Variants in ZFHX3 observed in about 807,000 individuals in gnomAD.
ZFHX3 encodes zinc finger homeobox protein 3.
ZFHX3 carries 42 observed loss-of-function variants against 279.1 expected under a neutral mutation model. That is an observed-to-expected ratio of 0.15 (90% CI 0.12 to 0.19). The LOEUF (loss-of-function observed/expected upper bound fraction) is 0.19. Ranked by LOEUF, ZFHX3 falls within the 10% of genes least tolerant of loss-of-function variation. The pLI, the probability that ZFHX3 is intolerant of heterozygous loss-of-function variation, is 1.00. For missense variants in ZFHX3, 4,981 were observed against 4,754.0 expected (o/e 1.05, Z -1.40); for synonymous variants, 2,293 against 1,957.8 (o/e 1.17, Z -4.52).
chr16:73,799,736 G>A (rs1401520734), intron 1 of ZFHX3, among the ~76,000 whole-genome samples: 3 of 152,126 alleles, frequency 2.0e-5, no homozygotes, highest in African/African-American at 2.4e-5. Context: ...CCCCAAAGGC[G>A]ATCTCCTGTC....
intron 1 of ZFHX3, among the ~76,000 whole-genome samples, chr16:73,726,324 T>C (rs1038522631): frequency 3.3e-5 from 5 of 152,246 alleles, no homozygotes; most frequent in East Asian, 3.9e-4. Flanking sequence ...AGAGGACATA[T>C]TGCTGCCAAA....
intron 5 of ZFHX3, among the ~76,000 whole-genome samples, chr16:73,168,205 CTTTTGT>C (rs1222600258): frequency 3.6e-4 from 41 of 112,560 alleles, no homozygotes; most frequent in Admixed American, 2.4e-3. Flanking sequence ...ACTATAGTTT[CTTTTGT>C]TTTCTTTCTT....
intron 2 of ZFHX3, among the ~76,000 whole-genome samples, chr16:73,619,841 G>A (rs1264204942): frequency 5.9e-5 from 9 of 152,014 alleles, no homozygotes; most frequent in African/African-American, 1.4e-4. Context: ...TCTATCCCAC[G>A]TCTCAAGTTT....
At chr16:73,689,008 G>T (rs531332568) in intron 1 of ZFHX3, among the ~76,000 whole-genome samples, 1 of 152,106 alleles carries the variant, frequency 6.6e-6, no homozygotes, top group Non-Finnish European at 1.5e-5. Context: ...CTGGTCTTGG[G>T]TATGTCTTTA....
intron 2 of ZFHX3, among the ~76,000 whole-genome samples, chr16:73,570,086 C>A (rs917045020): frequency 2.6e-5 from 4 of 152,176 alleles, no homozygotes; most frequent in African/African-American, 9.7e-5. Context: ...TTTACAGGAA[C>A]TGGACTTTAA....
chr16:72,917,056 T>C (rs2039459182), intron 3 of ZFHX3, among the ~76,000 whole-genome samples: 1 of 152,022 alleles, frequency 6.6e-6, no homozygotes, highest in Non-Finnish European at 1.5e-5. Context: ...CTGAACAACA[T>C]GGTGAAACCC....
At chr16:73,714,306 G>T (rs1597078316) in intron 1 of ZFHX3, among the ~76,000 whole-genome samples, 1 of 152,100 alleles carries the variant, frequency 6.6e-6, no homozygotes, top group East Asian at 1.9e-4. Flanking sequence ...TCTTTAGGAA[G>T]CAAGGCAGCT....
chr16:73,614,196 A>T (rs1000938131), intron 2 of ZFHX3, among the ~76,000 whole-genome samples: 7 of 152,220 alleles, frequency 4.6e-5, no homozygotes, highest in Non-Finnish European at 7.3e-5. Flanking sequence ...ACGTGAACGT[A>T]TGTGATGTGT....
At chr16:73,373,545 C>T (rs543691642) in intron 3 of ZFHX3, among the ~76,000 whole-genome samples, 1 of 152,196 alleles carries the variant, frequency 6.6e-6, no homozygotes, top group Non-Finnish European at 1.5e-5. Flanking sequence ...CAGTTCAACT[C>T]CTGCTAGCCA....
At chr16:73,839,386 T>G (rs1454281322) in intron 1 of ZFHX3, among the ~76,000 whole-genome samples, 1 of 112,390 alleles carries the variant, frequency 8.9e-6, no homozygotes, top group Non-Finnish European at 1.8e-5. Flanking sequence ...GCATGGGCAA[T>G]GAATTGAGAT....
intron 1 of ZFHX3, among the ~76,000 whole-genome samples, chr16:73,818,467 C>T (rs1004079591): frequency 2.0e-5 from 3 of 152,114 alleles, no homozygotes; most frequent in East Asian, 1.9e-4. Context: ...CTGTCATCAA[C>T]GCAGCATCAT....
intron 2 of ZFHX3, among the ~76,000 whole-genome samples, chr16:73,601,078 A>C (rs1488922030): frequency 4.6e-5 from 7 of 151,984 alleles, no homozygotes; most frequent in South Asian, 2.1e-4. Context: ...TTGAAGTGTG[A>C]GAGAACCCAA....
chr16:73,762,602 T>G (rs1054361274), intron 1 of ZFHX3, among the ~76,000 whole-genome samples: 3 of 152,000 alleles, frequency 2.0e-5, no homozygotes, highest in African/African-American at 7.3e-5. Context: ...ACAGACTGGA[T>G]AAAGAAAATG....
intron 1 of ZFHX3, among the ~76,000 whole-genome samples, chr16:73,021,892 GAA>G (rs2144652469): frequency 6.8e-6 from 1 of 147,624 alleles, no homozygotes; most frequent in South Asian, 2.2e-4. Flanking sequence ...GGAACACACA[GAA>G]ATGCACACAA....
intron 1 of ZFHX3, among the ~76,000 whole-genome samples, chr16:73,802,248 A>T (rs922749887): frequency 2.6e-5 from 4 of 152,190 alleles, no homozygotes; most frequent in African/African-American, 7.2e-5. Flanking sequence ...GGCAATTCTG[A>T]TGACCTCTTC....
At chr16:73,196,102 C>T (rs1333732798) in intron 5 of ZFHX3, among the ~76,000 whole-genome samples, 1 of 139,982 alleles carries the variant, frequency 7.1e-6, no homozygotes, top group Non-Finnish European at 1.5e-5. Context: ...TTTATCTAGG[C>T]TGTGATCTTA....
At chr16:73,046,590 A>G (rs1965311776) in intron 1 of ZFHX3, among the ~76,000 whole-genome samples, 1 of 151,968 alleles carries the variant, frequency 6.6e-6, no homozygotes, top group Non-Finnish European at 1.5e-5. Context: ...CGAGGGGCCA[A>G]CTCTACAAAC....
intron 5 of ZFHX3, among the ~76,000 whole-genome samples, chr16:73,164,116 T>C (rs750755273): frequency 6.6e-6 from 1 of 152,218 alleles, no homozygotes; most frequent in African/African-American, 2.4e-5. Context: ...TTTGTGACTA[T>C]GTGCAGCAGA....
intron 5 of ZFHX3, among the ~76,000 whole-genome samples, chr16:73,253,957 G>T (rs1227187701): frequency 6.6e-6 from 1 of 152,152 alleles, no homozygotes; most frequent in Non-Finnish European, 1.5e-5. Context: ...GAGGTGTCCA[G>T]TTCAAATCTC....
Sources: allele counts gnomAD v4.1 joint callset (sites outside exome capture counted in the v4.1 genomes callset), GRCh38; gene constraint gnomAD v4.1.1; transcripts MANE v1.5; gene names NCBI Gene and HGNC (gene_info 2026-07-23, HGNC 2026-07-21).